The following CCSER1 variants were observed in gnomAD, a reference collection of about 807,000 sequenced individuals.
CCSER1 encodes the protein serine-rich coiled-coil domain-containing protein 1.
A neutral mutation model predicts 82.0 loss-of-function variants in CCSER1; 41 were observed. The ratio of observed to expected loss-of-function variants is 0.50; its 90% CI spans 0.39 to 0.65. CCSER1 has a LOEUF of 0.65. Ranked by LOEUF, CCSER1 falls within the 30% of genes least tolerant of loss-of-function variation. CCSER1 has a pLI of 0.00. For missense variants in CCSER1, 1,119 were observed against 1,064.2 expected (o/e 1.05, Z -0.72); for synonymous variants, 414 against 383.9 (o/e 1.08, Z -0.92).
chr4:91,079,935 A>C (rs1419028408), intron 9 of CCSER1, among the ~76,000 whole-genome samples: 1 of 152,136 alleles, frequency 6.6e-6, no homozygotes, highest in African/African-American at 2.4e-5. Context: ...GAGAGACCTA[A>C]AAAGGGACTT....
intron 5 of CCSER1, among the ~76,000 whole-genome samples, chr4:90,511,501 A>G (rs567477465): frequency 6.6e-6 from 1 of 152,222 alleles, no homozygotes; most frequent in African/African-American, 2.4e-5. Context: ...GAATGAGTTC[A>G]GAGACAATAG....
At chr4:90,371,010 TG>T (rs1186684760) in intron 3 of CCSER1, among the ~76,000 whole-genome samples, 1 of 152,018 alleles carries the variant, frequency 6.6e-6, no homozygotes, top group African/African-American at 2.4e-5. Flanking sequence ...ATTTCTCAGC[TG>T]GGTACAAAAC....
rs79790515 is a variant in CCSER1 at position 91,580,445 on chromosome 4, T to C, written c.2218-18127T>C. Among the ~76,000 whole-genome samples the C allele has an allele frequency of 2.8e-3, 427 of 151,784 alleles. 2 individuals are homozygous for C. The highest frequency in any genetic ancestry group is 4.6e-3 in the Non-Finnish European group (314 of 67,778). On this transcript the variant is annotated intron_variant, in intron 10 of 10. Coordinates refer to ENST00000509176, the MANE Select transcript of CCSER1 (RefSeq NM_001145065.2). ...TTTTTGGCTTACACTTTTATATATG[T>C]GGAAATGGGCCTAAGGAAAGCCAGA...
At chr4:91,396,662 C>T (rs17018457) in intron 10 of CCSER1, among the ~76,000 whole-genome samples, 4,868 of 152,000 alleles carry the variant, frequency 0.032, 238 homozygotes, top group African/African-American at 0.11. Context: ...CACAACCACA[C>T]AAAAATTTTA....
chr4:91,034,352 T>TA (rs1245668290), intron 9 of CCSER1, among the ~76,000 whole-genome samples: 2 of 150,046 alleles, frequency 1.3e-5, no homozygotes, highest in African/African-American at 4.9e-5. Context: ...TTTGTTCATG[T>TA]AATTTGTTTC....
At chr4:90,898,269 CTTTT>C (rs70963094) in intron 8 of CCSER1, among the ~76,000 whole-genome samples, 96 of 52,500 alleles carry the variant, frequency 1.8e-3, no homozygotes, top group Admixed American at 4.4e-3. Flanking sequence ...TTTAATCCAT[CTTTT>C]TTTTTTTTTT....
At chr4:90,811,441 C>T (rs938050163) in intron 7 of CCSER1, among the ~76,000 whole-genome samples, 42 of 152,026 alleles carry the variant, frequency 2.8e-4, no homozygotes, top group Non-Finnish European at 5.9e-5. Context: ...AAAATTAATT[C>T]CTGCTTAGAA....
intron 10 of CCSER1, among the ~76,000 whole-genome samples, chr4:91,377,158 ATTTGGGTTGGTTCCAAGTC>A (rs1403486577): frequency 6.6e-6 from 1 of 152,152 alleles, no homozygotes; most frequent in Non-Finnish European, 1.5e-5. Context: ...ATTGTTGGAC[ATTTGGGTTGGTTCCAAGTC>A]TTTGCTATTG....
chr4:90,494,502 T>G (rs7654309), intron 5 of CCSER1, among the ~76,000 whole-genome samples: 5 of 152,012 alleles, frequency 3.3e-5, no homozygotes, highest in African/African-American at 4.8e-5. Context: ...CAAAACTGAC[T>G]ACATATTTGG....
chr4:90,512,246 C>G (rs140592613), intron 5 of CCSER1, among the ~76,000 whole-genome samples: 2 of 151,540 alleles, frequency 1.3e-5, no homozygotes, highest in African/African-American at 4.9e-5. Flanking sequence ...ATACCCCACT[C>G]CTTTTCTGGG....
intron 9 of CCSER1, among the ~76,000 whole-genome samples, chr4:90,943,413 A>T (rs952020151): frequency 2.0e-5 from 3 of 152,230 alleles, no homozygotes; most frequent in Non-Finnish European, 4.4e-5. Context: ...TTGTAGCTAC[A>T]TGAATTTTAA....
chr4:90,958,700 G>A (rs943212963), intron 9 of CCSER1, among the ~76,000 whole-genome samples: 1 of 152,056 alleles, frequency 6.6e-6, no homozygotes, highest in African/African-American at 2.4e-5. Flanking sequence ...GTCCTTATAA[G>A]GGTCCAGAGT....
chr4:90,332,388 T>C (rs6821011), intron 3 of CCSER1, among the ~76,000 whole-genome samples: 102,692 of 151,734 alleles, frequency 0.68, 36,711 homozygotes, highest in African/African-American at 0.91. Context: ...AAGCGTGCGC[T>C]ACCACCCTGG....
At chr4:90,243,765 A>G (rs1053833502) in intron 1 of CCSER1, among the ~76,000 whole-genome samples, 2 of 152,166 alleles carry the variant, frequency 1.3e-5, no homozygotes, top group African/African-American at 4.8e-5. Flanking sequence ...CACAGGTGAA[A>G]ACGAAAATGT....
chr4:91,567,695 A>AC (rs1168753191), intron 10 of CCSER1, among the ~76,000 whole-genome samples: 1 of 150,162 alleles, frequency 6.7e-6, no homozygotes, highest in East Asian at 1.9e-4. Flanking sequence ...AAGGATTACT[A>AC]CCCCTGTTTT....
chr4:91,463,306 A>G (rs1057080570), intron 10 of CCSER1, among the ~76,000 whole-genome samples: 1 of 152,238 alleles, frequency 6.6e-6, no homozygotes, highest in South Asian at 2.1e-4. Context: ...GCTGACTGTT[A>G]GAAGGAAAAC....
At chr4:90,658,368 C>T (rs1281349311) in intron 6 of CCSER1, among the ~76,000 whole-genome samples, 2 of 152,100 alleles carry the variant, frequency 1.3e-5, no homozygotes, top group East Asian at 1.9e-4. Flanking sequence ...CCAAGATGGA[C>T]GTCAGTCATT....
chr4:90,423,702 C>T (rs1220102628), intron 4 of CCSER1, among the ~76,000 whole-genome samples: 1 of 152,110 alleles, frequency 6.6e-6, no homozygotes, highest in African/African-American at 2.4e-5. Context: ...GTCTTGAACT[C>T]CTAACCTCAG....
chr4:91,519,601 A>C (rs1193208072), intron 10 of CCSER1, among the ~76,000 whole-genome samples: 1 of 152,156 alleles, frequency 6.6e-6, no homozygotes, highest in Non-Finnish European at 1.5e-5. Context: ...TGTCAGTCTG[A>C]AGGCCTTGGT....
Sources: allele counts gnomAD v4.1 joint callset (sites outside exome capture counted in the v4.1 genomes callset), GRCh38; gene constraint gnomAD v4.1.1; transcripts MANE v1.5; gene names NCBI Gene and HGNC (gene_info 2026-07-23, HGNC 2026-07-21).